The following MYH11 variants were observed in gnomAD, a reference collection of about 807,000 sequenced individuals.
The protein encoded by MYH11 is myosin-11.
Under a neutral mutation model 246.6 loss-of-function variants are expected in MYH11, and 80 were observed. That is an observed-to-expected ratio of 0.32 (90% CI 0.27 to 0.39). The LOEUF is 0.39. Ranked by LOEUF, MYH11 falls within the 10% of genes least tolerant of loss-of-function variation. The pLI, the probability that MYH11 is intolerant of heterozygous loss-of-function variation, is 1.00. For missense variants in MYH11, 2,158 were observed against 2,546.8 expected (o/e 0.85, Z 3.29); for synonymous variants, 1,071 against 1,015.5 (o/e 1.05, Z -1.04).
chr16:15,821,835 G>A (rs555181083), intron 3 of MYH11, among the ~76,000 whole-genome samples: 5 of 122,592 alleles, frequency 4.1e-5, no homozygotes, highest in African/African-American at 1.5e-4. Flanking sequence ...GGAGAATGGC[G>A]TGAACCCGGG....
intron 1 of MYH11, among the ~76,000 whole-genome samples, chr16:15,846,771 T>C (rs2044200345): frequency 6.6e-6 from 1 of 152,150 alleles, no homozygotes; most frequent in Non-Finnish European, 1.5e-5. Flanking sequence ...CTGGTCAACA[T>C]GGTGAAACCT....
At chr16:15,827,173 A>G (rs1047941137) in intron 2 of MYH11, among the ~76,000 whole-genome samples, 2 of 152,164 alleles carry the variant, frequency 1.3e-5, no homozygotes, top group Non-Finnish European at 2.9e-5. Flanking sequence ...AAAGAAATCA[A>G]TGATAGCTCC....
intron 38 of MYH11, among the ~76,000 whole-genome samples, chr16:15,716,026 G>T (rs576871879): frequency 6.6e-6 from 1 of 152,212 alleles, no homozygotes; most frequent in African/African-American, 2.4e-5. Context: ...ACTTGGGAGG[G>T]TGAGGCGGAG....
intron 8 of MYH11, among the ~76,000 whole-genome samples, chr16:15,774,592 CT>C (rs1000215697): frequency 3.9e-5 from 6 of 152,146 alleles, no homozygotes; most frequent in Non-Finnish European, 5.9e-5. Context: ...ATTAAGGAAA[CT>C]TATTTTTATT....
At chr16:15,748,242 C>T in intron 16 of MYH11, 74 bp from the exon 17 acceptor site, 1 of 1,599,956 alleles carries the variant, frequency 6.3e-7, no homozygotes. Context: ...AACCTCCTAC[C>T]TGGATGACCC....
intron 3 of MYH11, among the ~76,000 whole-genome samples, chr16:15,815,448 G>A (rs1555456178): frequency 6.6e-6 from 1 of 151,998 alleles, no homozygotes; most frequent in Non-Finnish European, 1.5e-5. Flanking sequence ...AAGGGTTAGG[G>A]AAAAAAGTTG....
At chr16:15,827,386 G>A (rs530622345) in intron 2 of MYH11, among the ~76,000 whole-genome samples, 7 of 152,300 alleles carry the variant, frequency 4.6e-5, no homozygotes, top group Admixed American at 2.6e-4. Flanking sequence ...CAGGGACATG[G>A]GCAGAAAAAC....
chr16:15,716,526 G>T (rs180773777), intron 38 of MYH11, among the ~76,000 whole-genome samples: 126 of 148,590 alleles, frequency 8.5e-4, no homozygotes, highest in African/African-American at 3.2e-3. Flanking sequence ...TTTTTTTTGT[G>T]TGTGTGTATG....
chr16:15,829,004 C>T (rs991291316), intron 2 of MYH11, among the ~76,000 whole-genome samples: 6 of 151,740 alleles, frequency 4.0e-5, no homozygotes, highest in African/African-American at 1.5e-4. Flanking sequence ...GCTAACATGG[C>T]AAAACCCCGT....
Position 15,750,430 on chromosome 16 carries a change from A to C in MYH11, c.1865-99T>G, listed in dbSNP as rs2041536625. The C allele has an allele frequency of 5.0e-6, 6 of 1,193,458 alleles. No homozygotes were observed. The South Asian group carries it at 7.8e-5, about 16-fold the overall frequency. 73.9% of individuals were successfully genotyped at this position (1,193,458 alleles called of 1,614,324 possible). ...CCCCACCCACCAACCTGCCCACTCC[A>C]ATCTTTCCTTCCATCACCAACGCCT... On this transcript the variant is annotated intron_variant, in intron 15 of 40. Transcript: ENST00000300036. The surrounding 1 kb of genome is among the most constrained non-coding windows in gnomAD (Gnocchi z 4.3).
At chr16:15,763,741 T>TCAC in intron 10 of MYH11, 55 bp downstream of exon 10, 1 of 646,862 alleles carries the variant, frequency 1.5e-6, no homozygotes, top group Non-Finnish European at 2.9e-6. Context: ...AAATGTCACC[T>TCAC]CCCCCACCCC....
At chr16:15,808,155 G>T (rs893195011) in intron 3 of MYH11, among the ~76,000 whole-genome samples, 1 of 152,200 alleles carries the variant, frequency 6.6e-6, no homozygotes, top group Non-Finnish European at 1.5e-5. Context: ...CTAATGCCCC[G>T]CACGGAGGCA....
Position 15,750,310 on chromosome 16 carries a change from T to C in MYH11, c.1886A>G (p.Asp629Gly), listed in dbSNP as rs761889706. Residue 629 changes from aspartate to glycine, a missense_variant, in exon 16 of 41, where the codon GAC becomes GGC. Coordinates refer to ENST00000300036, the MANE Select transcript of MYH11 (RefSeq NM_002474.3). The surrounding 1 kb of genome is among the most constrained non-coding windows in gnomAD (Gnocchi z 4.3). ...WKDVDRIVGL[D>G]QMAKMTESSL... ...GCTCTCCGTCATCTTGGCCATCTGG[T>C]CCAGGCCCACGATGCGGTCCACTAT... The C allele has an allele frequency of 6.2e-7, 1 of 1,610,602 alleles. No individual in the cohort carries two copies. The highest frequency in any genetic ancestry group is 2.2e-5 in the East Asian group (1 of 44,778).
chr16:15,724,015 A>G, intron 31 of MYH11, 146 bp downstream of exon 31: 1 of 1,401,278 alleles, frequency 7.1e-7, no homozygotes, highest in Non-Finnish European at 9.8e-7. Flanking sequence ...ATGGTCGCCC[A>G]AGACAAGATA....
chr16:15,808,761 T>C (rs981583727), intron 3 of MYH11, among the ~76,000 whole-genome samples: 1 of 151,808 alleles, frequency 6.6e-6, no homozygotes, highest in Admixed American at 6.6e-5. Context: ...TGGACAGAGG[T>C]GTGTGCCTGT....
At chr16:15,766,602 C>T (rs2041989368) in intron 9 of MYH11, among the ~76,000 whole-genome samples, 1 of 152,112 alleles carries the variant, frequency 6.6e-6, no homozygotes, top group Admixed American at 6.6e-5. Context: ...AAACTCCTGA[C>T]TTCAAGTGAT....
rs1334602720 is a variant in MYH11, at chr16:15,855,806, C to CA, written c.-18+1134dup. On this transcript the variant is annotated intron_variant, in intron 1 of 40. Transcript: ENST00000300036. Reference sequence around the variant, plus strand: ...AGTATCGTTGAGTAAATCAAAGAAACAAAAAACTATGCAAAGCAGTTTATT... The same window carrying CA: ...AGTATCGTTGAGTAAATCAAAGAAACAAAAAAACTATGCAAAGCAGTTTATT... Among the ~76,000 whole-genome samples, 4 of 152,288 alleles carry CA rather than the reference C, an allele frequency of 2.6e-5. No homozygotes were observed. In the South Asian group the frequency reaches 6.2e-4, roughly 24 times the overall value.
intron 28 of MYH11, chr16:15,725,578 C>T (rs1396199384): frequency 2.5e-6 from 1 of 406,192 alleles, no homozygotes; most frequent in Non-Finnish European, 4.3e-6. Flanking sequence ...GTTAGCCTAC[C>T]CCTCCATCTC....
At chr16:15,831,936 T>TAA (rs1567207059) in intron 2 of MYH11, among the ~76,000 whole-genome samples, 10 of 151,036 alleles carry the variant, frequency 6.6e-5, no homozygotes, top group African/African-American at 2.4e-4. Flanking sequence ...AGACTCCATG[T>TAA]TAAAAAAAAA....
Sources: gnomAD v4.1 joint callset for allele counts (sites outside exome capture counted in the v4.1 genomes callset) on GRCh38, gnomAD v4.1.1 for gene constraint, Gnocchi (gnomAD v3.1) non-coding constraint, MANE v1.5 for transcripts, NCBI Gene and HGNC (gene_info 2026-07-23, HGNC 2026-07-21) for gene names.